Variants in GPC6 observed in about 807,000 individuals in gnomAD.
GPC6 encodes the protein glypican 6.
A neutral mutation model predicts 55.2 loss-of-function variants in GPC6; 14 were observed. The ratio of observed to expected loss-of-function variants is 0.25; its 90% CI spans 0.17 to 0.40. The LOEUF (loss-of-function observed/expected upper bound fraction) is 0.40, where lower values mean the gene tolerates loss of function less well. Ranked by LOEUF, GPC6 falls within the 10% of genes least tolerant of loss-of-function variation. The pLI is 1.00. For synonymous variants in GPC6, 278 were observed against 259.6 expected (o/e 1.07, Z -0.68); for missense variants, 641 against 708.5 (o/e 0.90, Z 1.08).
intron 1 of GPC6, among the ~76,000 whole-genome samples, chr13:93,386,611 G>T (rs1875417986): frequency 6.6e-6 from 1 of 152,168 alleles, no homozygotes; most frequent in Non-Finnish European, 1.5e-5. Flanking sequence ...AGAAAATGTG[G>T]CTGGTAGAAG....
intron 4 of GPC6, among the ~76,000 whole-genome samples, chr13:94,168,713 A>G (rs1262480080): frequency 6.8e-6 from 1 of 148,120 alleles, no homozygotes; most frequent in East Asian, 1.9e-4. Flanking sequence ...ATAAATATAT[A>G]TAAAATATAT....
chr13:94,132,686 C>T (rs186783626), intron 4 of GPC6, among the ~76,000 whole-genome samples: 4 of 152,220 alleles, frequency 2.6e-5, no homozygotes, highest in Non-Finnish European at 4.4e-5. Flanking sequence ...CTCCAAGAAG[C>T]CTATATGAAA....
At position 93,979,312 on chromosome 13, in the gene GPC6, TGTGTG is replaced by T. The variant is rs1566631955; in HGVS notation, c.712-48416_712-48412del. 9.4e-4 allele frequency among the ~76,000 whole-genome samples: 140 copies of T among 149,332 alleles called. 1 individual carries two copies. Among genetic ancestry groups the T allele is most frequent in the African/African-American group, 3.3e-3 (133 of 39,872 alleles). ...GTGTGTGTGTGTGTGTGTGTGTGTG[TGTGTG>T]TTTGTGTGTGTTTTTTTGTGTGTGT... On this transcript the variant is annotated intron_variant, in intron 3 of 8. Coordinates refer to ENST00000377047, the MANE Select transcript of GPC6 (RefSeq NM_005708.5).
chr13:93,979,605 G>A (rs1002327152), intron 3 of GPC6, among the ~76,000 whole-genome samples: 9 of 151,914 alleles, frequency 5.9e-5, no homozygotes, highest in South Asian at 4.1e-4. Flanking sequence ...ACTTACAGCC[G>A]CTTGATATTG....
chr13:94,067,401 A>G (rs1258182002), intron 4 of GPC6, among the ~76,000 whole-genome samples: 3 of 152,072 alleles, frequency 2.0e-5, no homozygotes, highest in Non-Finnish European at 4.4e-5. Flanking sequence ...TCCACATCTG[A>G]TATTCTTTTT....
At chr13:94,004,582 T>C (rs9589878) in intron 3 of GPC6, among the ~76,000 whole-genome samples, 19,882 of 152,206 alleles carry the variant, frequency 0.13, 1,522 homozygotes, top group East Asian at 0.27. Context: ...AGTGCTTTTT[T>C]CAAAATTATT....
intron 6 of GPC6, among the ~76,000 whole-genome samples, chr13:94,375,322 AAG>A (rs1168459887): frequency 1.3e-5 from 2 of 152,198 alleles, no homozygotes; most frequent in East Asian, 1.9e-4. Flanking sequence ...TAAAGAAAAA[AAG>A]AGAGAAGAAT....
At chr13:93,819,017 T>C (rs1029468399) in intron 2 of GPC6, among the ~76,000 whole-genome samples, 4 of 152,126 alleles carry the variant, frequency 2.6e-5, no homozygotes, top group African/African-American at 9.7e-5. Flanking sequence ...GTATACAAGA[T>C]ATACTGGTAC....
intron 1 of GPC6, among the ~76,000 whole-genome samples, chr13:93,402,222 G>C (rs181632153): frequency 6.6e-6 from 1 of 152,256 alleles, no homozygotes; most frequent in East Asian, 1.9e-4. Flanking sequence ...TCTGACTCCT[G>C]AACCATTACT....
At chr13:93,731,211 A>G (rs181059081) in intron 2 of GPC6, among the ~76,000 whole-genome samples, 1 of 152,212 alleles carries the variant, frequency 6.6e-6, no homozygotes, top group Non-Finnish European at 1.5e-5. Flanking sequence ...TGCTAGGACC[A>G]GTTGACAAGT....
At chr13:93,992,543 T>A (rs1428153152) in intron 3 of GPC6, among the ~76,000 whole-genome samples, 1 of 152,194 alleles carries the variant, frequency 6.6e-6, no homozygotes, top group Non-Finnish European at 1.5e-5. Flanking sequence ...CAGAATATTT[T>A]CCTTGCTTTT....
intron 4 of GPC6, among the ~76,000 whole-genome samples, chr13:94,267,959 A>C (rs1428906499): frequency 1.3e-5 from 2 of 152,254 alleles, no homozygotes; most frequent in African/African-American, 4.8e-5. Flanking sequence ...AGAAATATGA[A>C]AGAAACAAAA....
chr13:93,392,735 G>T (rs919224641), intron 1 of GPC6, among the ~76,000 whole-genome samples: 1 of 152,112 alleles, frequency 6.6e-6, no homozygotes, highest in African/African-American at 2.4e-5. Flanking sequence ...CACTTGGATT[G>T]AAAATGGCAC....
chr13:94,330,562 C>G (rs1877357482), intron 6 of GPC6, among the ~76,000 whole-genome samples: 1 of 152,178 alleles, frequency 6.6e-6, no homozygotes, highest in Non-Finnish European at 1.5e-5. Flanking sequence ...AAACTGGCAG[C>G]ATCAGTATCA....
chr13:93,389,880 A>C (rs1875549493), intron 1 of GPC6, among the ~76,000 whole-genome samples: 1 of 152,182 alleles, frequency 6.6e-6, no homozygotes, highest in Non-Finnish European at 1.5e-5. Context: ...CTGCCAAAAA[A>C]TAAGAGTCTG....
chr13:93,945,328 A>T (rs1175510056), intron 3 of GPC6, among the ~76,000 whole-genome samples: 1 of 152,210 alleles, frequency 6.6e-6, no homozygotes, highest in Non-Finnish European at 1.5e-5. Context: ...CCAACTGAGA[A>T]TAAGGACTAA....
In GPC6 at chr13:93,915,892, G is replaced by A. The variant is rs572393869; in HGVS notation, c.711+85347G>A. On this transcript the variant is annotated intron_variant, in intron 3 of 8. Coordinates refer to ENST00000377047, the MANE Select transcript of GPC6 (RefSeq NM_005708.5). ...GCAGATTGGATTTAGCTTTGTGAGT[G>A]GCTGCAGAGGAGCTAGAAGTGTCCT... Among the ~76,000 whole-genome samples, 31 of 152,280 alleles carry A rather than the reference G, an allele frequency of 2.0e-4. No individual in the cohort carries two copies. In the South Asian group the frequency reaches 6.2e-3, roughly 31 times the overall value.
chr13:93,812,667 A>G (rs1886734279), intron 2 of GPC6, among the ~76,000 whole-genome samples: 1 of 152,198 alleles, frequency 6.6e-6, no homozygotes, highest in African/African-American at 2.4e-5. Flanking sequence ...TTATATGCCA[A>G]GATAAATTTT....
At chr13:94,108,320 T>C (rs1886127021) in intron 4 of GPC6, among the ~76,000 whole-genome samples, 1 of 152,050 alleles carries the variant, frequency 6.6e-6, no homozygotes, top group Admixed American at 6.5e-5. Flanking sequence ...TTCTCACTCA[T>C]AAATAGGAGC....
Sources: gnomAD v4.1 joint callset for allele counts (sites outside exome capture counted in the v4.1 genomes callset) on GRCh38, gnomAD v4.1.1 for gene constraint, MANE v1.5 for transcripts, NCBI Gene and HGNC (gene_info 2026-07-23, HGNC 2026-07-21) for gene names.